Variants in STOX2 observed in about 807,000 individuals in gnomAD.
STOX2 encodes storkhead box 2.
Under a neutral mutation model 60.9 loss-of-function variants are expected in STOX2, and 28 were observed. That is an observed-to-expected ratio of 0.46 (90% CI 0.34 to 0.63). The LOEUF (loss-of-function observed/expected upper bound fraction) is 0.63, where lower values mean the gene tolerates loss of function less well. Ranked by LOEUF, STOX2 falls within the 30% of genes least tolerant of loss-of-function variation. The pLI is 0.01. For synonymous variants in STOX2, 472 were observed against 463.9 expected (o/e 1.02, Z -0.22); for missense variants, 1,024 against 1,187.7 (o/e 0.86, Z 2.03).
intron 2 of STOX2, among the ~76,000 whole-genome samples, chr4:184,008,776 T>C (rs1277511029): frequency 1.3e-5 from 2 of 152,244 alleles, no homozygotes; most frequent in East Asian, 1.9e-4. Context: ...CTAGTTGCTT[T>C]TATTGAAAAA....
At position 183,859,915 on chromosome 4, in the gene STOX2, C is replaced by CAGATT. The variant is rs35451632; in HGVS notation, c.364+61880_364+61884dup. ...TGTTCATGTCAGTTGCGTTTACTGA[C>CAGATT]AGATTAGATTAGATTAGATTAGATA... On this transcript the variant is annotated intron_variant, in intron 1 of 2. Coordinates refer to the STOX2 transcript ENST00000513034. Among the ~76,000 whole-genome samples, 1,459 of 151,348 alleles carry CAGATT rather than the reference C, an allele frequency of 9.6e-3. 19 individuals are homozygous for CAGATT. The highest frequency in any genetic ancestry group is 0.017 in the Middle Eastern group (5 of 290).
Position 183,905,475 on chromosome 4 carries a change from T to G in STOX2, c.-1316T>G, listed in dbSNP as rs754646260. The G allele has an allele frequency of 4.6e-5, 7 of 152,390 alleles. No individual in the cohort carries two copies. The highest frequency in any genetic ancestry group is 1.3e-4 in the Admixed American group (2 of 15,304). 9.4% of individuals were successfully genotyped at this position (152,390 alleles called of 1,614,324 possible). A position where few individuals can be genotyped will look rare whatever the true frequency, so the allele number is the denominator to read the frequency against. On this transcript the variant is annotated 5_prime_UTR_variant, in exon 1 of 4. Transcript: ENST00000308497. Reference sequence around the variant, plus strand: ...GACCCGGCGCCCCGGCGTGTGCGGTTGTGGGGGAGCTCGCCGTGGCCTCCC... The same window carrying G: ...GACCCGGCGCCCCGGCGTGTGCGGTGGTGGGGGAGCTCGCCGTGGCCTCCC...
chr4:183,923,085 A>G (rs556822565), intron 1 of STOX2, among the ~76,000 whole-genome samples: 36 of 152,336 alleles, frequency 2.4e-4, no homozygotes, highest in Admixed American at 9.8e-4. Context: ...GCTGCTGTGC[A>G]CACAGGTGTA....
intron 1 of STOX2, among the ~76,000 whole-genome samples, chr4:183,996,254 C>CT (rs1280042156): frequency 6.6e-6 from 1 of 152,136 alleles, no homozygotes; most frequent in Non-Finnish European, 1.5e-5. Flanking sequence ...CTATCTACTC[C>CT]TTTTTTAGAA....
At chr4:183,886,574 C>G (rs561817363) in intron 1 of STOX2, among the ~76,000 whole-genome samples, 1 of 152,296 alleles carries the variant, frequency 6.6e-6, no homozygotes, top group South Asian at 2.1e-4. Flanking sequence ...CAGCTCCTGG[C>G]ACTCTGTTCC....
chr4:183,968,169 G>C (rs73008326), intron 1 of STOX2, among the ~76,000 whole-genome samples: 6,529 of 152,148 alleles, frequency 0.043, 472 homozygotes, highest in African/African-American at 0.15. Flanking sequence ...TCCAAGGGTT[G>C]TCACACTTTT....
chr4:183,998,953 G>T (rs1488923950), intron 1 of STOX2, among the ~76,000 whole-genome samples: 1 of 152,144 alleles, frequency 6.6e-6, no homozygotes, highest in Non-Finnish European at 1.5e-5. Flanking sequence ...TTGGAAGCCT[G>T]AGGTAGGAGG....
intron 1 of STOX2, among the ~76,000 whole-genome samples, chr4:183,832,571 ATCTCTGCCTCCTGGGTTCAAGCGAT>A (rs891389651): frequency 7.0e-6 from 1 of 143,552 alleles, no homozygotes; most frequent in African/African-American, 2.6e-5. Context: ...GCTCACTGCA[ATCTCTGCCTCCTGGGTTCAAGCGAT>A]TCTCCTGCCT....
chr4:183,931,387 G>C (rs544206289), intron 1 of STOX2, among the ~76,000 whole-genome samples: 112 of 152,076 alleles, frequency 7.4e-4, no homozygotes, highest in Non-Finnish European at 1.3e-3. Context: ...TTGTGCCACC[G>C]TACTCCAGCC....
chr4:183,949,669 G>C (rs1743011600), intron 1 of STOX2, among the ~76,000 whole-genome samples: 1 of 152,196 alleles, frequency 6.6e-6, no homozygotes, highest in African/African-American at 2.4e-5. Flanking sequence ...TTGTACTCCA[G>C]CCTGGGCGAC....
rs544218805 is a variant in STOX2 at position 183,858,429 on chromosome 4, C to T, written c.364+60374C>T. Among the ~76,000 whole-genome samples, 59 of 152,344 alleles carry T rather than the reference C, an allele frequency of 3.9e-4. 1 individual carries two copies. The South Asian group carries it at 0.011, about 27-fold the overall frequency. ...CTGTCGTTGCGCTCAGCTCTGCTTC[C>T]GACTTTCCATTCCTGTTGCCTCTGC... On this transcript the variant is annotated intron_variant, in intron 1 of 2. Coordinates refer to the STOX2 transcript ENST00000513034.
At chr4:183,968,631 A>G (rs1408325014) in intron 1 of STOX2, among the ~76,000 whole-genome samples, 1 of 152,184 alleles carries the variant, frequency 6.6e-6, no homozygotes, top group Non-Finnish European at 1.5e-5. Flanking sequence ...CGCTGCTACA[A>G]ACGCAGGGCT....
rs1329622742 is a variant in STOX2, at chr4:184,019,291, T to C, written c.*2007T>C. 6.6e-6 allele frequency: 1 copy of C among 152,254 alleles called. No individual in the cohort carries two copies. Among genetic ancestry groups the C allele is most frequent in the African/African-American group, 2.4e-5 (1 of 41,460 alleles). 9.4% of individuals were successfully genotyped at this position (152,254 alleles called of 1,614,324 possible). On this transcript the variant is annotated 3_prime_UTR_variant, in exon 4 of 4. Transcript: ENST00000308497. ...TCCAAGGCATGCCTCAACGCATTGT[T>C]TGTCTCATTGCTTAAATATGTCCAG...
At chr4:183,945,703 G>A (rs778225823) in intron 1 of STOX2, among the ~76,000 whole-genome samples, 6 of 152,198 alleles carry the variant, frequency 3.9e-5, no homozygotes, top group Non-Finnish European at 5.9e-5. Context: ...CGTGGGTACA[G>A]CAAAGTTGTT....
chr4:183,798,400 C>T (rs2111087572), intron 1 of STOX2, among the ~76,000 whole-genome samples: 1 of 151,548 alleles, frequency 6.6e-6, no homozygotes, highest in African/African-American at 2.4e-5. Flanking sequence ...GAGTGTCCCC[C>T]TCCCGGCACT....
At position 184,011,414 on chromosome 4, in the gene STOX2, A is replaced by G. The variant is rs1270971987; in HGVS notation, c.2576A>G (p.Asn859Ser). The change falls in exon 3 of 4, where the codon AAC (asparagine) becomes AGC (serine). Residue 859 changes from asparagine to serine, a missense_variant. By Grantham distance (46) the Asn-to-Ser change is conservative. Around this residue, in one of 3 missense-constraint regions of STOX2, gnomAD observed 922 missense variants for 1,058.3 expected, o/e 0.87. Transcript: ENST00000308497. This position sits in a 1 kb window ranked among gnomAD's most constrained non-coding sequence, Gnocchi z 4.4. ...AGCATCACAGTGGACAGTGGATTCA[A>G]CTCCCCACGGTAGGGAGAGGTGTCT... is the stretch of plus-strand genomic sequence containing the variant. ...SSSITVDSGFNSPRTRESLAS... is the reference protein window; with the variant it reads ...SSSITVDSGFSSPRTRESLAS... The G allele has an allele frequency of 6.2e-7, 1 of 1,610,596 alleles. No individual in the cohort carries two copies. The highest frequency in any genetic ancestry group is 1.1e-5 in the South Asian group (1 of 90,606).
Position 184,017,694 on chromosome 4 carries a change from A to C in STOX2, c.*410A>C, listed in dbSNP as rs1734434421. The C allele has an allele frequency of 6.5e-6, 1 of 152,808 alleles. No individual in the cohort carries two copies. Among genetic ancestry groups the C allele is most frequent in the Non-Finnish European group, 1.5e-5 (1 of 68,500 alleles). 9.5% of individuals were successfully genotyped at this position (152,808 alleles called of 1,614,324 possible). ...AACTGATCCTTGACACTTCCAAAAA[A>C]AAAAAAACAAAACAAAACAAAAAAA... On this transcript the variant is annotated 3_prime_UTR_variant, in exon 4 of 4. Transcript: ENST00000308497.
At chr4:183,802,391 T>G (rs1299143807) in intron 1 of STOX2, among the ~76,000 whole-genome samples, 1 of 152,216 alleles carries the variant, frequency 6.6e-6, no homozygotes, top group African/African-American at 2.4e-5. Flanking sequence ...TTTTTTGTTT[T>G]TGAGACAAGG....
At position 183,808,586 on chromosome 4, in the gene STOX2, C is replaced by T. The variant is rs562169395; in HGVS notation, c.364+10531C>T. Among the ~76,000 whole-genome samples, 12 of 152,218 alleles carry T rather than the reference C, an allele frequency of 7.9e-5. No individual in the cohort carries two copies. In the South Asian group the frequency reaches 1.0e-3, roughly 13 times the overall value. ...AGACTGTGAGGTAATGTAGAAAATGCAGAAAGCAGTACGTTTTAAATATAG... is the reference window on the plus strand; with the variant it reads ...AGACTGTGAGGTAATGTAGAAAATGTAGAAAGCAGTACGTTTTAAATATAG... On this transcript the variant is annotated intron_variant, in intron 1 of 2. Coordinates refer to the STOX2 transcript ENST00000513034.
Sources: allele counts gnomAD v4.1 joint callset (sites outside exome capture counted in the v4.1 genomes callset), GRCh38; gene constraint gnomAD v4.1.1; regional missense constraint gnomAD v4.1.1; non-coding constraint Gnocchi (gnomAD v3.1); transcripts MANE v1.5; gene names NCBI Gene and HGNC (gene_info 2026-07-23, HGNC 2026-07-21).